Variants in RIDA observed in about 807,000 individuals in gnomAD.
RIDA encodes 2-iminobutanoate/2-iminopropanoate deaminase.
RIDA carries 17 observed loss-of-function variants against 17.8 expected under a neutral mutation model. That is an observed-to-expected ratio of 0.96 (90% CI 0.65 to 1.43). The LOEUF (loss-of-function observed/expected upper bound fraction) is 1.43, where lower values mean the gene tolerates loss of function less well. RIDA is among the 40% of genes most tolerant of loss of function. The pLI is 0.00. For synonymous variants in RIDA, 48 were observed against 55.7 expected, an observed-to-expected ratio of 0.86 and a Z score of 0.62; for missense variants, 158 against 161.7, an observed-to-expected ratio of 0.98 and a Z score of 0.12.
intron 2 of RIDA, among the ~76,000 whole-genome samples, chr8:98,107,445 A>G (rs1448054971): frequency 2.0e-5 from 3 of 152,068 alleles, no homozygotes; most frequent in Non-Finnish European, 2.9e-5. Context: ...AATTGCTTGA[A>G]CCTGGAAGAC....
chr8:98,106,907 C>A (rs775893197), intron 2 of RIDA, among the ~76,000 whole-genome samples: 4 of 152,010 alleles, frequency 2.6e-5, no homozygotes, highest in African/African-American at 4.8e-5. Context: ...ACAACAACAA[C>A]AAAAAAACTC....
intron 1 of RIDA, chr8:98,113,730 T>C (rs1412527230): frequency 6.6e-6 from 1 of 152,222 alleles, no homozygotes; most frequent in Non-Finnish European, 1.5e-5. Context: ...GGGTATGCTC[T>C]TTAGCAGGCT....
In RIDA at chr8:98,108,692, G is replaced by C; in HGVS notation, c.125C>G (p.Ser42Ter). ...YISGQIGMDPSSGQLVSGGVA... is the reference protein window; with the variant it reads ...YISGQIGMDP ...CCCTCCTGACACAAGCTGTCCACTT[G>C]AAGGGTCCATGCCTATCTGTCCTGA... The change falls in exon 2 of 6, where the codon TCA becomes TGA. Residue 42 changes from serine to a stop codon, truncating the protein, a stop_gained. Coordinates refer to ENST00000254878, the MANE Select transcript of RIDA (RefSeq NM_005836.3). LOFTEE classifies it high-confidence loss of function. 1.2e-6 allele frequency: 2 copies of C among 1,613,804 alleles called. No homozygotes were observed. Among genetic ancestry groups the C allele is most frequent in the Non-Finnish European group, 1.7e-6 (2 of 1,179,768 alleles).
intron 1 of RIDA, among the ~76,000 whole-genome samples, chr8:98,110,874 G>A (rs765210283): frequency 1.3e-5 from 2 of 150,566 alleles, no homozygotes; most frequent in African/African-American, 5.0e-5. Context: ...GAGTTCTCAC[G>A]TGATCTAACA....
intron 1 of RIDA, among the ~76,000 whole-genome samples, chr8:98,109,038 A>G (rs1815677176): frequency 6.6e-6 from 1 of 152,058 alleles, no homozygotes; most frequent in Non-Finnish European, 1.5e-5. Context: ...ACAAAAAACA[A>G]TAAAAAACAG....
At chr8:98,112,904 G>A (rs1031824958) in intron 1 of RIDA, among the ~76,000 whole-genome samples, 6 of 152,180 alleles carry the variant, frequency 3.9e-5, no homozygotes, top group African/African-American at 1.4e-4. Context: ...CACTGGAGCT[G>A]AGACCATCTG....
chr8:98,116,187 C>A (rs1208804631), intron 1 of RIDA, among the ~76,000 whole-genome samples: 3 of 152,222 alleles, frequency 2.0e-5, no homozygotes, highest in Non-Finnish European at 2.9e-5. Context: ...CTACCTCTCA[C>A]AAGGAACCTT....
chr8:98,112,195 A>AACACACACACACACACAC (rs56178607), intron 1 of RIDA, among the ~76,000 whole-genome samples: 181 of 148,064 alleles, frequency 1.2e-3, no homozygotes, highest in Middle Eastern at 3.4e-3. Context: ...AACTATACTA[A>AACACACACACACACACAC]ACACACACAC....
chr8:98,115,460 C>CAAT (rs1284619773), intron 1 of RIDA, among the ~76,000 whole-genome samples: 5 of 145,826 alleles, frequency 3.4e-5, no homozygotes, highest in Non-Finnish European at 7.5e-5. Flanking sequence ...TAAATGTTAG[C>CAAT]AATGATGACT....
chr8:98,108,832 G>T, intron 1 of RIDA, 81 bp from the exon 2 acceptor site: 1 of 787,348 alleles, frequency 1.3e-6, no homozygotes, highest in Non-Finnish European at 2.1e-6. Context: ...TGATAGGACA[G>T]AGAAGTATAA....
At chr8:98,115,568 T>A (rs899879386) in intron 1 of RIDA, among the ~76,000 whole-genome samples, 19 of 131,906 alleles carry the variant, frequency 1.4e-4, no homozygotes, top group Admixed American at 3.1e-4. Flanking sequence ...TTTTTTTTTT[T>A]AAATAGAGAT....
At chr8:98,112,609 CT>C (rs1815743799) in intron 1 of RIDA, among the ~76,000 whole-genome samples, 1 of 152,216 alleles carries the variant, frequency 6.6e-6, no homozygotes, top group Non-Finnish European at 1.5e-5. Context: ...TTCAGAAAGT[CT>C]AGAAAGTCTT....
At chr8:98,106,114 G>A in intron 3 of RIDA, 108 bp from the exon 4 acceptor site, 1 of 1,089,418 alleles carries the variant, frequency 9.2e-7, no homozygotes, top group Non-Finnish European at 1.4e-6. Flanking sequence ...AAATGGGACT[G>A]AAATGGGACC....
intron 4 of RIDA, 73 bp from the exon 5 acceptor site, chr8:98,104,617 T>C (rs1275551898): frequency 1.1e-6 from 1 of 891,748 alleles, no homozygotes; most frequent in Non-Finnish European, 1.8e-6. Flanking sequence ...AAATTTTTAT[T>C]TTAGTTTTCA....
chr8:98,115,867 G>A (rs1815810545), intron 1 of RIDA, among the ~76,000 whole-genome samples: 1 of 151,852 alleles, frequency 6.6e-6, no homozygotes, highest in Non-Finnish European at 1.5e-5. Context: ...CAATTAACTT[G>A]TTAAATAAAA....
rs538475177 is a variant in RIDA, at chr8:98,106,001, TC to T, written c.231del (p.Thr79GlnfsTer8). 1.9e-5 allele frequency: 31 copies of T among 1,599,730 alleles called. No homozygotes were observed. The African/African-American group carries it at 3.2e-4, about 17-fold the overall frequency. On this transcript the variant is annotated frameshift_variant, in exon 4 of 6. Transcript: ENST00000254878. LOFTEE classifies it high-confidence loss of function. Reference protein sequence around the residue: ...KAAGCDFTNVVKTTVLLADIN... With the variant: ...KAAGCDFTNVXKTTVLLADIN... ...ATGTCAGCCAGAAGAACAGTTGTTT[TC>T]ACCACTAGAAGATATAAACATTGTC...
intron 1 of RIDA, among the ~76,000 whole-genome samples, chr8:98,115,529 C>T (rs1356187509): frequency 6.8e-6 from 1 of 147,906 alleles, no homozygotes; most frequent in African/African-American, 2.5e-5. Context: ...CAAATTAAAA[C>T]ATCACTTGAA....
Position 98,110,014 on chromosome 8 carries a change from C to T in RIDA, c.66-1263G>A, listed in dbSNP as rs545724063. Among the ~76,000 whole-genome samples, 13 of 152,248 alleles carry T rather than the reference C, an allele frequency of 8.5e-5. 1 individual carries two copies. Among genetic ancestry groups the T allele is most frequent in the East Asian group, 3.9e-4 (2 of 5,182 alleles). On this transcript the variant is annotated intron_variant, in intron 1 of 5. Coordinates refer to ENST00000254878, the MANE Select transcript of RIDA (RefSeq NM_005836.3). ...CATTATTTATAGCAAAAAAGCAAGA[C>T]ACACACACATGCACCCACTGATAGA... is the stretch of plus-strand genomic sequence containing the variant.
chr8:98,105,120 C>CAAAAAAA (rs11354936), intron 4 of RIDA, among the ~76,000 whole-genome samples: 5 of 88,054 alleles, frequency 5.7e-5, no homozygotes, highest in East Asian at 3.4e-4. Context: ...AGCTTTCTGG[C>CAAAAAAA]AAAAAAAAAA....
Sources: allele counts gnomAD v4.1 joint callset (sites outside exome capture counted in the v4.1 genomes callset), GRCh38; gene constraint gnomAD v4.1.1; transcripts MANE v1.5; gene names NCBI Gene and HGNC (gene_info 2026-07-23, HGNC 2026-07-21).